The following LCLAT1 variants were observed in gnomAD, a reference collection of about 807,000 sequenced individuals.
LCLAT1 encodes the protein 1-AGP acyltransferase 8.
In LCLAT1, 11 loss-of-function variants were observed where a neutral mutation model predicts 30.7. That is an observed-to-expected ratio of 0.36 (90% CI 0.23 to 0.59). The LOEUF is 0.59. Among genes scored for constraint, LCLAT1 ranks in the 20% least tolerant of loss-of-function variants. The pLI is 0.77. For missense variants in LCLAT1, 402 were observed against 458.6 expected, an observed-to-expected ratio of 0.88 and a Z score of 1.13; for synonymous variants, 155 against 151.3, an observed-to-expected ratio of 1.02 and a Z score of -0.18.
chr2:30,630,932 A>G (rs1668737873), intron 5 of LCLAT1, among the ~76,000 whole-genome samples: 1 of 152,224 alleles, frequency 6.6e-6, no homozygotes. Flanking sequence ...CACTCAAAAG[A>G]AATAGAAAGC....
chr2:30,568,270 A>G, intron 5 of LCLAT1, 94 bp downstream of exon 5: 1 of 595,456 alleles, frequency 1.7e-6, no homozygotes, highest in East Asian at 2.9e-5. Flanking sequence ...AGGATTTTTT[A>G]CTACTTTGTC....
At chr2:30,625,240 C>A (rs1668448514) in intron 5 of LCLAT1, among the ~76,000 whole-genome samples, 1 of 152,010 alleles carries the variant, frequency 6.6e-6, no homozygotes, top group South Asian at 2.1e-4. Flanking sequence ...AAGATCAGAG[C>A]AGAACTAAAT....
intron 1 of LCLAT1, among the ~76,000 whole-genome samples, chr2:30,498,385 C>A (rs527889925): frequency 1.3e-5 from 2 of 152,266 alleles, no homozygotes; most frequent in East Asian, 3.9e-4. Flanking sequence ...GAAGACTTAG[C>A]CCGTGGCTAC....
intron 3 of LCLAT1, among the ~76,000 whole-genome samples, chr2:30,558,972 A>G (rs1665069169): frequency 6.6e-6 from 1 of 152,238 alleles, no homozygotes. Flanking sequence ...TAAACTGTAT[A>G]TTGGTCTACA....
intron 1 of LCLAT1, among the ~76,000 whole-genome samples, chr2:30,472,057 T>G (rs1394583632): frequency 6.6e-6 from 1 of 152,214 alleles, no homozygotes; most frequent in Non-Finnish European, 1.5e-5. Context: ...ATCTTTAACA[T>G]TCTTCTGAGT....
At chr2:30,593,974 C>T (rs568173756) in intron 5 of LCLAT1, among the ~76,000 whole-genome samples, 27 of 150,382 alleles carry the variant, frequency 1.8e-4, no homozygotes, top group African/African-American at 6.6e-4. Context: ...TTTTATCATT[C>T]CACTGACTCC....
intron 1 of LCLAT1, among the ~76,000 whole-genome samples, chr2:30,461,949 T>G (rs1296438842): frequency 6.6e-6 from 1 of 151,272 alleles, no homozygotes; most frequent in Non-Finnish European, 1.5e-5. Context: ...TTTTTTGTGT[T>G]TTTTAGTAGA....
intron 5 of LCLAT1, among the ~76,000 whole-genome samples, chr2:30,616,408 G>GTTTGT (rs1416523454): frequency 2.0e-5 from 3 of 152,130 alleles, no homozygotes; most frequent in Admixed American, 2.0e-4. Context: ...GTGTGTATGT[G>GTTTGT]TTTGTTTTGT....
chr2:30,574,638 C>T (rs1665916075), intron 5 of LCLAT1, among the ~76,000 whole-genome samples: 6 of 152,196 alleles, frequency 3.9e-5, no homozygotes, highest in Admixed American at 3.3e-4. Context: ...TGTCTCAACT[C>T]TAAAGGTACG....
intron 5 of LCLAT1, among the ~76,000 whole-genome samples, chr2:30,587,125 T>C (rs1666479174): frequency 6.6e-6 from 1 of 152,262 alleles, no homozygotes; most frequent in Non-Finnish European, 1.5e-5. Flanking sequence ...CACTTGATCC[T>C]AATGGACACC....
At chr2:30,485,399 G>T (rs1194598785) in intron 1 of LCLAT1, among the ~76,000 whole-genome samples, 1 of 152,082 alleles carries the variant, frequency 6.6e-6, no homozygotes, top group African/African-American at 2.4e-5. Context: ...GCAGTATCGT[G>T]CAATGTCATC....
intron 1 of LCLAT1, among the ~76,000 whole-genome samples, chr2:30,521,863 C>T (rs1685496189): frequency 6.6e-6 from 1 of 152,116 alleles, no homozygotes. Context: ...TACTTGTAAT[C>T]TTTGCCAACC....
chr2:30,596,472 C>T (rs1469851830), intron 5 of LCLAT1, among the ~76,000 whole-genome samples: 2 of 151,496 alleles, frequency 1.3e-5, no homozygotes, highest in Admixed American at 1.3e-4. Flanking sequence ...GTCCCTTGCC[C>T]ACTTTTTTAA....
At chr2:30,466,957 T>C (rs1051529236) in intron 1 of LCLAT1, among the ~76,000 whole-genome samples, 2 of 152,254 alleles carry the variant, frequency 1.3e-5, no homozygotes, top group African/African-American at 4.8e-5. Context: ...TTTTAAATTA[T>C]ACTTTAAGTT....
chr2:30,622,970 C>A (rs1051018652), intron 5 of LCLAT1, among the ~76,000 whole-genome samples: 1 of 151,970 alleles, frequency 6.6e-6, no homozygotes, highest in Non-Finnish European at 1.5e-5. Context: ...TCTGAATTGC[C>A]TGTAAAAGAA....
intron 3 of LCLAT1, among the ~76,000 whole-genome samples, chr2:30,555,725 C>G (rs1283288443): frequency 6.7e-6 from 1 of 150,246 alleles, no homozygotes; most frequent in Non-Finnish European, 1.5e-5. Flanking sequence ...ATACATTTGT[C>G]AAAAATGGAA....
chr2:30,475,588 T>C (rs1271815970), intron 1 of LCLAT1, among the ~76,000 whole-genome samples: 1 of 152,230 alleles, frequency 6.6e-6, no homozygotes, highest in Non-Finnish European at 1.5e-5. Context: ...TAATTCATTC[T>C]GAACATTTTA....
chr2:30,605,414 G>A (rs1054463952), intron 5 of LCLAT1, among the ~76,000 whole-genome samples: 1 of 152,174 alleles, frequency 6.6e-6, no homozygotes. Context: ...TCCCTTTGTA[G>A]AATGTACCAA....
At position 30,517,505 on chromosome 2, in the gene LCLAT1, C is replaced by T. The variant is rs148325352; in HGVS notation, c.-4-8082C>T. 3.6e-3 allele frequency among the ~76,000 whole-genome samples: 543 copies of T among 152,358 alleles called. 2 individuals are homozygous for T. Among genetic ancestry groups the T allele is most frequent in the African/African-American group, 0.011 (471 of 41,592 alleles). ...CACCTGCAATGCAATCTCCAAGCCT[C>T]AGCTCCTTGGCCAGGGCCTTAGAAC... is the stretch of plus-strand genomic sequence containing the variant. On this transcript the variant is annotated intron_variant, in intron 1 of 5. Coordinates refer to ENST00000379509, the MANE Select transcript of LCLAT1 (RefSeq NM_001002257.3).
Sources: gnomAD v4.1 joint callset for allele counts (sites outside exome capture counted in the v4.1 genomes callset) on GRCh38, gnomAD v4.1.1 for gene constraint, MANE v1.5 for transcripts, NCBI Gene and HGNC (gene_info 2026-07-23, HGNC 2026-07-21) for gene names.